The following SLC9A9 variants were observed in gnomAD, a reference collection of about 807,000 sequenced individuals.
SLC9A9 encodes solute carrier family 9 member A9.
SLC9A9 carries 62 observed loss-of-function variants against 77.8 expected under a neutral mutation model. The observed-to-expected ratio is 0.80, with a 90% CI of 0.65 to 0.98. The LOEUF is 0.98. Ranked by LOEUF, SLC9A9 falls within the 50% of genes least tolerant of loss-of-function variation. The pLI, the probability that SLC9A9 is intolerant of heterozygous loss-of-function variation, is 0.00. For missense variants in SLC9A9, 775 were observed against 774.9 expected, an observed-to-expected ratio of 1.00 and a Z score of 0.00; for synonymous variants, 320 against 283.5, an observed-to-expected ratio of 1.13 and a Z score of -1.29.
chr3:143,550,255 C>T (rs1480916064), intron 9 of SLC9A9, among the ~76,000 whole-genome samples: 1 of 152,180 alleles, frequency 6.6e-6, no homozygotes. Flanking sequence ...TTTCTCTACT[C>T]CCACTGCCCT....
At chr3:143,774,907 C>G (rs1215006943) in intron 4 of SLC9A9, among the ~76,000 whole-genome samples, 1 of 152,146 alleles carries the variant, frequency 6.6e-6, no homozygotes, top group African/African-American at 2.4e-5. Flanking sequence ...TTCATTTTCT[C>G]CTCAGCTTTT....
Position 143,266,054 on chromosome 3 carries a change from G to A in SLC9A9, c.*648C>T, listed in dbSNP as rs879547232. 48 of 702,336 alleles carry A rather than the reference G, an allele frequency of 6.8e-5. No individual in the cohort carries two copies. Among genetic ancestry groups the A allele is most frequent in the Admixed American group, 1.2e-4 (6 of 49,994 alleles). The allele number at this position is 702,336 out of a possible 1,614,324, so 43.5% of individuals were successfully genotyped here. On this transcript the variant is annotated 3_prime_UTR_variant, in exon 16 of 16. Coordinates refer to ENST00000316549, the MANE Select transcript of SLC9A9 (RefSeq NM_173653.4). Reference sequence around the variant, plus strand: ...CTGCATTTAGGGCAGGGCACACCCAGCCATAGGCAACCCCTTTGAGCGATG... The same window carrying A: ...CTGCATTTAGGGCAGGGCACACCCAACCATAGGCAACCCCTTTGAGCGATG...
At chr3:143,783,078 ATCTATTTTCATCATC>A (rs2007933604) in intron 4 of SLC9A9, among the ~76,000 whole-genome samples, 1 of 152,084 alleles carries the variant, frequency 6.6e-6, no homozygotes, top group Non-Finnish European at 1.5e-5. Flanking sequence ...GCTACCTTAT[ATCTATTTTCATCATC>A]TGGTCAGAAC....
At chr3:143,668,543 C>G (rs2039109032) in intron 5 of SLC9A9, among the ~76,000 whole-genome samples, 1 of 152,078 alleles carries the variant, frequency 6.6e-6, no homozygotes. Flanking sequence ...AATAAATAGC[C>G]TATAAACACT....
intron 4 of SLC9A9, among the ~76,000 whole-genome samples, chr3:143,756,972 A>T (rs1189865725): frequency 6.6e-6 from 1 of 152,190 alleles, no homozygotes. Flanking sequence ...AAAACGCATA[A>T]ATCATGTATA....
In SLC9A9 at chr3:143,412,449, C is replaced by T. The variant is rs116471316; in HGVS notation, c.1470-30335G>A. Among the ~76,000 whole-genome samples, 786 of 152,290 alleles carry T rather than the reference C, an allele frequency of 5.2e-3. 6 individuals are homozygous for T. The highest frequency in any genetic ancestry group is 0.018 in the African/African-American group (744 of 41,552). ...GCATCTGACCACTAATGCTTTTGAGCTATGCCCTCCCCCGGCTGGAGTTAT... is the reference window on the plus strand; with the variant it reads ...GCATCTGACCACTAATGCTTTTGAGTTATGCCCTCCCCCGGCTGGAGTTAT... On this transcript the variant is annotated intron_variant, in intron 12 of 15. Coordinates refer to ENST00000316549, the MANE Select transcript of SLC9A9 (RefSeq NM_173653.4).
At chr3:143,566,576 T>C (rs1321996235) in intron 8 of SLC9A9, among the ~76,000 whole-genome samples, 1 of 150,614 alleles carries the variant, frequency 6.6e-6, no homozygotes, top group Non-Finnish European at 1.5e-5. Flanking sequence ...ATGCCTGTTT[T>C]CTTAAATGGA....
intron 9 of SLC9A9, among the ~76,000 whole-genome samples, chr3:143,533,453 G>C (rs572774811): frequency 6.6e-6 from 1 of 152,120 alleles, no homozygotes; most frequent in Non-Finnish European, 1.5e-5. Flanking sequence ...AATTCCAGAA[G>C]TCATAGATCC....
chr3:143,659,981 G>T lies in SLC9A9; in HGVS notation c.650-7621C>A, dbSNP rs183656408. Among the ~76,000 whole-genome samples, 223 of 152,286 alleles carry T rather than the reference G, an allele frequency of 1.5e-3. 5 individuals carry two copies. Among genetic ancestry groups the T allele is most frequent in the Non-Finnish European group, 3.4e-4 (23 of 68,012 alleles). On this transcript the variant is annotated intron_variant, in intron 5 of 15. Coordinates refer to ENST00000316549, the MANE Select transcript of SLC9A9 (RefSeq NM_173653.4). ...AGTTCCGGTACACAAGCTCTCTCTT[G>T]CCTGCCACCGTGTAAGACGTAACTT... is the stretch of plus-strand genomic sequence containing the variant.
In SLC9A9 at chr3:143,806,742, G is replaced by GGC. The variant is rs1321771289; in HGVS notation, c.379-9840_379-9839insGC. The stretch of plus-strand genomic sequence containing the variant: ...GGAAGGGTATTATGTGGTGGTGGGG[G>GGC]GGGCAAGTGGGGATTGTGAATGGGC... On this transcript the variant is annotated intron_variant, in intron 2 of 15. Transcript: ENST00000316549. Among the ~76,000 whole-genome samples the GGC allele has an allele frequency of 1.1e-4, 17 of 151,662 alleles. No individual in the cohort carries two copies. In the South Asian group the frequency reaches 3.4e-3, roughly 30 times the overall value.
intron 9 of SLC9A9, chr3:143,503,457 G>A (rs1440109972): frequency 3.6e-5 from 13 of 357,778 alleles, no homozygotes; most frequent in South Asian, 2.7e-4. Flanking sequence ...CGATGCCCAG[G>A]ATGCCCTTGA....
At chr3:143,480,160 G>T (rs932703982) in intron 11 of SLC9A9, among the ~76,000 whole-genome samples, 5 of 152,218 alleles carry the variant, frequency 3.3e-5, no homozygotes, top group South Asian at 2.1e-4. Context: ...CAAAACAGTA[G>T]TTCCCATCTA....
intron 6 of SLC9A9, among the ~76,000 whole-genome samples, chr3:143,621,389 C>G (rs576335084): frequency 6.8e-4 from 103 of 152,328 alleles, no homozygotes; most frequent in African/African-American, 2.5e-3. Flanking sequence ...TGACACCTCA[C>G]ATGGCTGGGT....
At chr3:143,684,880 A>T (rs1211845853) in intron 5 of SLC9A9, among the ~76,000 whole-genome samples, 2 of 152,110 alleles carry the variant, frequency 1.3e-5, no homozygotes, top group Non-Finnish European at 2.9e-5. Context: ...CAGACATATT[A>T]ATTCAATCTC....
intron 14 of SLC9A9, among the ~76,000 whole-genome samples, chr3:143,277,614 G>C (rs1938089886): frequency 6.6e-6 from 1 of 152,118 alleles, no homozygotes; most frequent in Non-Finnish European, 1.5e-5. Flanking sequence ...AAATCCATTT[G>C]TGCCATATGG....
chr3:143,620,936 T>C (rs897572308), intron 6 of SLC9A9, among the ~76,000 whole-genome samples: 1 of 152,120 alleles, frequency 6.6e-6, no homozygotes, highest in Non-Finnish European at 1.5e-5. Flanking sequence ...GCTTTTCCAA[T>C]GGTCTTAGCA....
chr3:143,749,390 A>G lies in SLC9A9; in HGVS notation c.533+45611T>C, dbSNP rs78442374. ...AACACAACAATAGTCTAAGAGCCAC[A>G]ACCCACTGGAAAAGGCCACAGCATC... On this transcript the variant is annotated intron_variant, in intron 4 of 15. Coordinates refer to ENST00000316549, the MANE Select transcript of SLC9A9 (RefSeq NM_173653.4). 1.7e-3 allele frequency among the ~76,000 whole-genome samples: 258 copies of G among 152,366 alleles called. 1 individual carries two copies. Among genetic ancestry groups the G allele is most frequent in the African/African-American group, 6.0e-3 (250 of 41,582 alleles).
rs565716309 is a variant in SLC9A9, at chr3:143,321,003, G to A, written c.1604+42481C>T. ...CATAAGCTAAGGAATACTAAGGATTGCCAGCAATCGTCACAGGCTAGAAGA... is the reference window on the plus strand; with the variant it reads ...CATAAGCTAAGGAATACTAAGGATTACCAGCAATCGTCACAGGCTAGAAGA... On this transcript the variant is annotated intron_variant, in intron 14 of 15. Coordinates refer to ENST00000316549, the MANE Select transcript of SLC9A9 (RefSeq NM_173653.4). 4.6e-5 allele frequency among the ~76,000 whole-genome samples: 7 copies of A among 152,320 alleles called. No individual in the cohort carries two copies. The South Asian group carries it at 8.3e-4, about 18-fold the overall frequency.
chr3:143,626,846 G>A (rs1357415933), intron 6 of SLC9A9: 1 of 151,996 alleles, frequency 6.6e-6, no homozygotes, highest in African/African-American at 2.4e-5. Flanking sequence ...GGCAGCAAGA[G>A]GGTTGAATTT....
Sources: gnomAD v4.1 joint callset for allele counts (sites outside exome capture counted in the v4.1 genomes callset) on GRCh38, gnomAD v4.1.1 for gene constraint, MANE v1.5 for transcripts, NCBI Gene and HGNC (gene_info 2026-07-23, HGNC 2026-07-21) for gene names.